Variants in RFTN1 observed in about 807,000 individuals in gnomAD.
RFTN1 encodes the protein raftlin.
RFTN1 carries 26 observed loss-of-function variants against 46.5 expected under a neutral mutation model. The ratio of observed to expected loss-of-function variants is 0.56; its 90% CI spans 0.41 to 0.78. The LOEUF is 0.78. Ranked by LOEUF, RFTN1 falls within the 30% of genes least tolerant of loss-of-function variation. The pLI is 0.00. For missense variants in RFTN1, 693 were observed against 718.7 expected (o/e 0.96, Z 0.41); for synonymous variants, 261 against 284.2 (o/e 0.92, Z 0.82).
chr3:16,382,278 A>T lies in RFTN1; in HGVS notation c.442-4176T>A, dbSNP rs2074017821. On this transcript the variant is annotated intron_variant, in intron 4 of 9. Coordinates refer to ENST00000334133, the MANE Select transcript of RFTN1 (RefSeq NM_015150.2). The surrounding 1 kb of genome is among the most constrained non-coding windows in gnomAD (Gnocchi z 4.7). Reference sequence around the variant, plus strand: ...AGACGACCACATTTAGATTTTATGAAGATCAATATTTGGCTAGATCTAGGG... The same window carrying T: ...AGACGACCACATTTAGATTTTATGATGATCAATATTTGGCTAGATCTAGGG... Among the ~76,000 whole-genome samples, 1 of 152,186 alleles carries T rather than the reference A, an allele frequency of 6.6e-6. No individual in the cohort carries two copies. The highest frequency in any genetic ancestry group is 2.4e-5 in the African/African-American group (1 of 41,442).
At chr3:16,386,534 G>A (rs536944399) in intron 4 of RFTN1, among the ~76,000 whole-genome samples, 3 of 152,354 alleles carry the variant, frequency 2.0e-5, no homozygotes, top group Admixed American at 6.5e-5. Context: ...CAGAGCCCAC[G>A]TTGCTACCTG....
At position 16,322,787 on chromosome 3, in the gene RFTN1, G is replaced by A. The variant is rs932776876; in HGVS notation, c.1332+589C>T. On this transcript the variant is annotated intron_variant, in intron 9 of 9. Coordinates refer to ENST00000334133, the MANE Select transcript of RFTN1 (RefSeq NM_015150.2). This position sits in a 1 kb window ranked among gnomAD's most constrained non-coding sequence, Gnocchi z 6.2. Reference sequence around the variant, plus strand: ...CTGTTTCTAGGGTAGTTCAGAGTCCGGAGAGGGGGAAAAGGGCCCTGGGGA... The same window carrying A: ...CTGTTTCTAGGGTAGTTCAGAGTCCAGAGAGGGGGAAAAGGGCCCTGGGGA... Among the ~76,000 whole-genome samples, 4 of 152,124 alleles carry A rather than the reference G, an allele frequency of 2.6e-5. No individual in the cohort carries two copies. The highest frequency in any genetic ancestry group is 1.9e-4 in the East Asian group (1 of 5,188).
At chr3:16,409,605 C>T in intron 3 of RFTN1, 122 bp from the exon 4 acceptor site, 2 of 615,980 alleles carry the variant, frequency 3.2e-6, no homozygotes, top group Non-Finnish European at 5.8e-6. Context: ...GCAACCCCCA[C>T]CTCCCGGGTT....
In RFTN1 at chr3:16,422,737, CAATA is replaced by C; in HGVS notation, c.332+11110_332+11113del. On this transcript the variant is annotated intron_variant, in intron 3 of 9. Coordinates refer to ENST00000334133, the MANE Select transcript of RFTN1 (RefSeq NM_015150.2). The surrounding 1 kb of genome is among the most constrained non-coding windows in gnomAD (Gnocchi z 4.6). ...AAAATCAATAAGTAGATCAAAGAAA[CAATA>C]AAGAATCAGGAATAGATTGGGATGT... is the stretch of plus-strand genomic sequence containing the variant. Among the ~76,000 whole-genome samples the C allele has an allele frequency of 6.6e-6, 1 of 151,624 alleles. No individual in the cohort carries two copies. The highest frequency in any genetic ancestry group is 2.4e-5 in the African/African-American group (1 of 41,252).
rs2075945930 is a variant in RFTN1 at position 16,458,180 on chromosome 3, T to C, written c.146-24143A>G. Among the ~76,000 whole-genome samples the C allele has an allele frequency of 6.6e-6, 1 of 152,194 alleles. No homozygotes were observed. Among genetic ancestry groups the C allele is most frequent in the African/African-American group, 2.4e-5 (1 of 41,456 alleles). On this transcript the variant is annotated intron_variant, in intron 2 of 9. Coordinates refer to ENST00000334133, the MANE Select transcript of RFTN1 (RefSeq NM_015150.2). This position sits in a 1 kb window ranked among gnomAD's most constrained non-coding sequence, Gnocchi z 5.1. ...CAAAATAGACTAAGACAGACATTCTTTGAGCACCTACTATGTGCCATGCTT... is the reference window on the plus strand; with the variant it reads ...CAAAATAGACTAAGACAGACATTCTCTGAGCACCTACTATGTGCCATGCTT...
chr3:16,375,877 A>G (rs1444581899), intron 5 of RFTN1, among the ~76,000 whole-genome samples: 2 of 152,154 alleles, frequency 1.3e-5, no homozygotes, highest in Non-Finnish European at 2.9e-5. Flanking sequence ...ATAGGGGCCA[A>G]GATGCTTTGG....
At chr3:16,379,726 T>A (rs1365061442) in intron 4 of RFTN1, among the ~76,000 whole-genome samples, 1 of 152,178 alleles carries the variant, frequency 6.6e-6, no homozygotes, top group Non-Finnish European at 1.5e-5. Flanking sequence ...CAAAAAAATC[T>A]TAAAGCCATC....
rs2070608553 is a variant in RFTN1 at position 16,334,049 on chromosome 3, C to G, written c.1147-7173G>C. On this transcript the variant is annotated intron_variant, in intron 7 of 9. Coordinates refer to ENST00000334133, the MANE Select transcript of RFTN1 (RefSeq NM_015150.2). The surrounding 1 kb of genome is among the most constrained non-coding windows in gnomAD (Gnocchi z 4.3). Reference sequence around the variant, plus strand: ...GCATGGTGGCGGGTGCCTGTAGTCCCAGCTACTTGGGAGGCTGAGGCAGGA... The same window carrying G: ...GCATGGTGGCGGGTGCCTGTAGTCCGAGCTACTTGGGAGGCTGAGGCAGGA... Among the ~76,000 whole-genome samples, 1 of 152,134 alleles carries G rather than the reference C, an allele frequency of 6.6e-6. No homozygotes were observed. Among genetic ancestry groups the G allele is most frequent in the Non-Finnish European group, 1.5e-5 (1 of 68,032 alleles).
Position 16,323,449 on chromosome 3 carries a change from C to A in RFTN1, c.1259G>T (p.Ser420Ile). 6.2e-7 allele frequency: 1 copy of A among 1,610,910 alleles called. No individual in the cohort carries two copies. The highest frequency in any genetic ancestry group is 1.3e-5 in the African/African-American group (1 of 74,732). ...AAAGACAATCTGCTTGGTGGATACACTCCCCTCGCTGTAACACACGGAGCT... is the reference window on the plus strand; with the variant it reads ...AAAGACAATCTGCTTGGTGGATACAATCCCCTCGCTGTAACACACGGAGCT... ...TPVVKTTSEG[S>I]VSTKQIVFLQ... is the part of the protein sequence containing the mutation. Residue 420 changes from serine to isoleucine, a missense_variant, in exon 9 of 10, where the codon AGT becomes ATT. By Grantham distance (142) the Ser-to-Ile change is moderately radical. Transcript: ENST00000334133.
chr3:16,384,342 G>T lies in RFTN1; in HGVS notation c.442-6240C>A, dbSNP rs1203702125. The stretch of plus-strand genomic sequence containing the variant: ...AAAATAAGATAGCACAGGGCAAGTT[G>T]ATGGAGGTCTCTAAATCTAAACCTG... On this transcript the variant is annotated intron_variant, in intron 4 of 9. Transcript: ENST00000334133. This position sits in a 1 kb window ranked among gnomAD's most constrained non-coding sequence, Gnocchi z 4.7. Among the ~76,000 whole-genome samples, 1 of 152,234 alleles carries T rather than the reference G, an allele frequency of 6.6e-6. No individual in the cohort carries two copies. The highest frequency in any genetic ancestry group is 1.5e-5 in the Non-Finnish European group (1 of 68,044).
chr3:16,415,430 T>TATATATACACACACACACACACACAC, intron 3 of RFTN1, among the ~76,000 whole-genome samples: 1 of 114,276 alleles, frequency 8.8e-6, no homozygotes, highest in Non-Finnish European at 2.0e-5. Context: ...TATATATATA[T>TATATATACACACACACACACACACAC]ACACACACAC....
At chr3:16,357,579 A>G (rs1203832115) in intron 7 of RFTN1, among the ~76,000 whole-genome samples, 2 of 152,168 alleles carry the variant, frequency 1.3e-5, no homozygotes, top group Non-Finnish European at 2.9e-5. Context: ...TCTGGCTCCA[A>G]TATTGATGCT....
intron 9 of RFTN1, among the ~76,000 whole-genome samples, chr3:16,319,497 G>A (rs1339751043): frequency 6.6e-6 from 1 of 152,168 alleles, no homozygotes; most frequent in Non-Finnish European, 1.5e-5. Context: ...CATTCATATT[G>A]TATTTGATGT....
intron 2 of RFTN1, among the ~76,000 whole-genome samples, chr3:16,435,502 G>A (rs950751212): frequency 4.6e-5 from 7 of 152,112 alleles, no homozygotes; most frequent in South Asian, 2.1e-4. Context: ...CCTGGGAGGC[G>A]AAGGTTGCAG....
chr3:16,434,421 G>A (rs2075461871), intron 2 of RFTN1, among the ~76,000 whole-genome samples: 1 of 146,336 alleles, frequency 6.8e-6, no homozygotes, highest in Non-Finnish European at 1.5e-5. Flanking sequence ...CTCAAAATTA[G>A]CCAGTGCTTG....
At chr3:16,362,474 T>G (rs2072897080) in intron 6 of RFTN1, among the ~76,000 whole-genome samples, 1 of 152,192 alleles carries the variant, frequency 6.6e-6, no homozygotes, top group Non-Finnish European at 1.5e-5. Flanking sequence ...GCTTACTTTT[T>G]AAGTCCTGGG....
At chr3:16,439,163 A>G (rs1447608418) in intron 2 of RFTN1, among the ~76,000 whole-genome samples, 2 of 152,228 alleles carry the variant, frequency 1.3e-5, no homozygotes, top group African/African-American at 4.8e-5. Flanking sequence ...GGCTCCTATT[A>G]TAAACATGAT....
At chr3:16,358,118 C>A (rs1269690903) in intron 6 of RFTN1, 71 bp from the exon 7 acceptor site, 3 of 824,964 alleles carry the variant, frequency 3.6e-6, no homozygotes, top group Non-Finnish European at 6.3e-6. Context: ...TTCTAAGCAG[C>A]AAACATTTCC....
rs1472935837 is a variant in RFTN1, at chr3:16,355,197, C to T, written c.1146+2735G>A. Among the ~76,000 whole-genome samples, 10 of 152,176 alleles carry T rather than the reference C, an allele frequency of 6.6e-5. No individual in the cohort carries two copies. The East Asian group carries it at 1.3e-3, about 21-fold the overall frequency. The stretch of plus-strand genomic sequence containing the variant: ...AGCCTGTATGTCCAAACTCTTCCAG[C>T]GTCTACCCATTACCCTGTTCCAAAG... On this transcript the variant is annotated intron_variant, in intron 7 of 9. Transcript: ENST00000334133.
Sources: gnomAD v4.1 joint callset for allele counts (sites outside exome capture counted in the v4.1 genomes callset) on GRCh38, gnomAD v4.1.1 for gene constraint, Gnocchi (gnomAD v3.1) non-coding constraint, MANE v1.5 for transcripts, NCBI Gene and HGNC (gene_info 2026-07-23, HGNC 2026-07-21) for gene names.